The following DCC variants were observed in gnomAD, a reference collection of about 807,000 sequenced individuals.
DCC encodes the protein netrin receptor DCC.
DCC carries 58 observed loss-of-function variants against 172.5 expected under a neutral mutation model. That is an observed-to-expected ratio of 0.34 (90% CI 0.27 to 0.42). The LOEUF is 0.42. DCC is among the 10% of genes least tolerant of loss of function. The pLI, the probability that DCC is intolerant of heterozygous loss-of-function variation, is 1.00. For synonymous variants in DCC, 709 were observed against 644.5 expected (o/e 1.10, Z -1.52); for missense variants, 1,740 against 1,791.0 (o/e 0.97, Z 0.51).
chr18:52,959,240 G>A lies in DCC; in HGVS notation c.985+33870G>A, dbSNP rs1354416752. Among the ~76,000 whole-genome samples, 7 of 152,230 alleles carry A rather than the reference G, an allele frequency of 4.6e-5. No homozygotes were observed. In the East Asian group the frequency reaches 9.7e-4, roughly 21 times the overall value. On this transcript the variant is annotated intron_variant, in intron 5 of 28. Transcript: ENST00000442544. ...AGTTTTAAATGAGTTCAGTTGGCTG[G>A]ATTTGCACTGATAAAACATGAGGAA...
chr18:52,457,659 T>C (rs1598833879), intron 1 of DCC, among the ~76,000 whole-genome samples: 2 of 152,308 alleles, frequency 1.3e-5, no homozygotes, highest in South Asian at 4.1e-4. Context: ...ATGCTTAAGA[T>C]GGTGAGAGTG....
intron 2 of DCC, among the ~76,000 whole-genome samples, chr18:52,889,563 G>A (rs9945149): frequency 2.9e-3 from 435 of 152,128 alleles, no homozygotes; most frequent in African/African-American, 0.01. Flanking sequence ...TTGAGAAGTG[G>A]GGTAGAAAAT....
chr18:52,807,802 C>T (rs1598823274), intron 2 of DCC, among the ~76,000 whole-genome samples: 2 of 152,214 alleles, frequency 1.3e-5, no homozygotes, highest in African/African-American at 4.8e-5. Context: ...AACATAGGTG[C>T]AGATTTAAAG....
At chr18:53,231,513 T>C (rs1018347739) in intron 12 of DCC, among the ~76,000 whole-genome samples, 1 of 152,156 alleles carries the variant, frequency 6.6e-6, no homozygotes, top group African/African-American at 2.4e-5. Context: ...CAGCTATTCT[T>C]TGCCTGTCTT....
intron 11 of DCC, among the ~76,000 whole-genome samples, chr18:53,209,148 A>G (rs1056006710): frequency 2.6e-5 from 4 of 152,218 alleles, no homozygotes; most frequent in Non-Finnish European, 5.9e-5. Context: ...TGCCCAGGCT[A>G]GACCTGTTTT....
Position 52,589,981 on chromosome 18 carries a change from T to C in DCC, c.92-162073T>C, listed in dbSNP as rs368043530. Reference sequence around the variant, plus strand: ...TTCAAGTTTACATTTTTGCATTTCATGGTAAAAATCTATGCTTTTTTTTAA... The same window carrying C: ...TTCAAGTTTACATTTTTGCATTTCACGGTAAAAATCTATGCTTTTTTTTAA... On this transcript the variant is annotated intron_variant, in intron 1 of 28. Coordinates refer to ENST00000442544, the MANE Select transcript of DCC (RefSeq NM_005215.4). 3.9e-4 allele frequency among the ~76,000 whole-genome samples: 59 copies of C among 152,332 alleles called. 1 individual carries two copies. The South Asian group carries it at 9.9e-3, about 26-fold the overall frequency.
At chr18:53,308,318 G>A (rs544543100) in intron 13 of DCC, among the ~76,000 whole-genome samples, 12 of 151,658 alleles carry the variant, frequency 7.9e-5, no homozygotes, top group South Asian at 4.2e-4. Flanking sequence ...ACAAGAGCTC[G>A]TATTTATTAA....
Position 52,766,763 on chromosome 18 carries a change from G to A in DCC, c.412+14389G>A, listed in dbSNP as rs187240985. Among the ~76,000 whole-genome samples the A allele has an allele frequency of 3.5e-3, 531 of 152,036 alleles. 3 individuals are homozygous for A. Among genetic ancestry groups the A allele is most frequent in the Non-Finnish European group, 6.2e-3 (423 of 67,994 alleles). On this transcript the variant is annotated intron_variant, in intron 2 of 28. Coordinates refer to ENST00000442544, the MANE Select transcript of DCC (RefSeq NM_005215.4). ...TGGGGCCATGGGTGGTTTAGGAAAAGGCAACATTTGAGCAGGAAAACAGGG... is the reference window on the plus strand; with the variant it reads ...TGGGGCCATGGGTGGTTTAGGAAAAAGCAACATTTGAGCAGGAAAACAGGG...
At chr18:52,838,180 ACT>A (rs34377051) in intron 2 of DCC, among the ~76,000 whole-genome samples, 66,467 of 151,738 alleles carry the variant, frequency 0.44, 14,716 homozygotes, top group South Asian at 0.55. Context: ...TTGAAGGAGC[ACT>A]CTCTATTTGT....
intron 2 of DCC, among the ~76,000 whole-genome samples, chr18:52,869,871 T>G (rs2039289462): frequency 6.6e-6 from 1 of 151,982 alleles, no homozygotes; most frequent in South Asian, 2.1e-4. Flanking sequence ...GCCCCAAGCC[T>G]GGGGGGTAAA....
intron 1 of DCC, among the ~76,000 whole-genome samples, chr18:52,509,093 A>G (rs1186159427): frequency 2.0e-5 from 3 of 152,218 alleles, no homozygotes; most frequent in Non-Finnish European, 4.4e-5. Context: ...ATGTAAACCT[A>G]TTTTTTCAAC....
intron 7 of DCC, among the ~76,000 whole-genome samples, chr18:53,097,272 T>A (rs545843932): frequency 6.6e-6 from 1 of 152,300 alleles, no homozygotes; most frequent in East Asian, 1.9e-4. Flanking sequence ...TTGTTGTTGA[T>A]TTATGAAGAA....
At chr18:53,440,880 T>C (rs1912231425) in intron 22 of DCC, among the ~76,000 whole-genome samples, 1 of 152,182 alleles carries the variant, frequency 6.6e-6, no homozygotes, top group Non-Finnish European at 1.5e-5. Context: ...TCACTTAAAC[T>C]CCGGATCTCA....
intron 13 of DCC, among the ~76,000 whole-genome samples, chr18:53,321,291 G>C (rs1246653904): frequency 6.6e-6 from 1 of 152,000 alleles, no homozygotes; most frequent in Admixed American, 6.6e-5. Flanking sequence ...AATGTCCTAT[G>C]GTCTTTTCAC....
intron 7 of DCC, among the ~76,000 whole-genome samples, chr18:53,137,717 C>T (rs2043765597): frequency 6.6e-6 from 1 of 152,020 alleles, no homozygotes; most frequent in African/African-American, 2.4e-5. Context: ...AAGTAACTTT[C>T]TAATAATATA....
intron 5 of DCC, among the ~76,000 whole-genome samples, chr18:52,952,057 A>T (rs2040656793): frequency 6.6e-6 from 1 of 152,204 alleles, no homozygotes; most frequent in Admixed American, 6.5e-5. Context: ...GGGCTAATCT[A>T]GCTTTGAAAA....
intron 1 of DCC, among the ~76,000 whole-genome samples, chr18:52,679,308 A>C (rs2035700272): frequency 1.3e-5 from 2 of 152,034 alleles, no homozygotes; most frequent in African/African-American, 4.8e-5. Context: ...CCCACCAAGC[A>C]CTAGGAGGCC....
intron 1 of DCC, among the ~76,000 whole-genome samples, chr18:52,525,947 C>A (rs1467855214): frequency 6.6e-6 from 1 of 152,180 alleles, no homozygotes; most frequent in East Asian, 1.9e-4. Context: ...CAACCTAACA[C>A]CCTAAGGTCC....
intron 2 of DCC, among the ~76,000 whole-genome samples, chr18:52,760,969 G>A (rs1430084841): frequency 4.2e-5 from 6 of 143,792 alleles, no homozygotes; most frequent in African/African-American, 1.5e-4. Flanking sequence ...AAAAGTTATT[G>A]TTAACAGTCT....
Sources: allele counts gnomAD v4.1 joint callset (sites outside exome capture counted in the v4.1 genomes callset), GRCh38; gene constraint gnomAD v4.1.1; transcripts MANE v1.5; gene names NCBI Gene and HGNC (gene_info 2026-07-23, HGNC 2026-07-21).